The following ASIC2 variants were observed in gnomAD, a reference collection of about 807,000 sequenced individuals.
ASIC2 encodes acid sensing ion channel subunit 2.
Under a neutral mutation model 57.3 loss-of-function variants are expected in ASIC2, and 25 were observed. That is an observed-to-expected ratio of 0.44 (90% CI 0.32 to 0.61). ASIC2 has a LOEUF of 0.61. ASIC2 is among the 20% of genes least tolerant of loss of function. The pLI is 0.06. For synonymous variants in ASIC2, 319 were observed against 307.5 expected, an observed-to-expected ratio of 1.04 and a Z score of -0.39; for missense variants, 641 against 738.1, an observed-to-expected ratio of 0.87 and a Z score of 1.52.
chr17:33,800,840 TATC>T (rs1192068120), intron 1 of ASIC2, among the ~76,000 whole-genome samples: 1 of 152,204 alleles, frequency 6.6e-6, no homozygotes, highest in African/African-American at 2.4e-5. Context: ...TGGGTATTAT[TATC>T]ATTACCACTG....
chr17:33,369,175 T>G (rs949450545), intron 1 of ASIC2, among the ~76,000 whole-genome samples: 1 of 152,102 alleles, frequency 6.6e-6, no homozygotes, highest in African/African-American at 2.4e-5. Flanking sequence ...GCTGATAGGA[T>G]TTCCAGGAGG....
chr17:33,490,863 G>A lies in ASIC2; in HGVS notation c.556-378796C>T, dbSNP rs145988097. Among the ~76,000 whole-genome samples, 301 of 152,238 alleles carry A rather than the reference G, an allele frequency of 2.0e-3. 1 individual carries two copies. Among genetic ancestry groups the A allele is most frequent in the Non-Finnish European group, 3.2e-3 (220 of 68,022 alleles). ...CAAATCATCTGGCATTTTCGCCGGG[G>A]ATAATCAAAATTCTGTCCCTGTTGT... On this transcript the variant is annotated intron_variant, in intron 1 of 9. Coordinates refer to the ASIC2 transcript ENST00000359872.
At chr17:33,140,849 G>T (rs930586005) in intron 1 of ASIC2, among the ~76,000 whole-genome samples, 1 of 152,232 alleles carries the variant, frequency 6.6e-6, no homozygotes, top group South Asian at 2.1e-4. Flanking sequence ...GCCCAGCCAG[G>T]GCTGCCTCAG....
intron 1 of ASIC2, among the ~76,000 whole-genome samples, chr17:33,304,499 C>A (rs1025191499): frequency 2.0e-5 from 3 of 152,188 alleles, no homozygotes; most frequent in Non-Finnish European, 4.4e-5. Context: ...TTTTGGTTGA[C>A]CTGACTGTCC....
rs1349436724 is a variant in ASIC2, at chr17:33,088,858, C to A, written c.987+5G>T. 2 of 1,609,028 alleles carry A rather than the reference C, an allele frequency of 1.2e-6. No homozygotes were observed. ...CCATCAATCCTGGGAGCCCAGGGAA[C>A]TTACCCTCTGCTCCTGTGTGGCCAC... On this transcript the variant is annotated splice_donor_5th_base_variant and intron_variant, in intron 3 of 9. Transcript: ENST00000225823.
In ASIC2 at chr17:33,105,831, C is replaced by A. The variant is rs138204916; in HGVS notation, c.859+6086G>T. The stretch of plus-strand genomic sequence containing the variant: ...ACTTGTTGAAAGCTGGAGCAAAGGT[C>A]ACTCTTGCTAGGCTTTAGCAAAGAG... On this transcript the variant is annotated intron_variant, in intron 2 of 9. Transcript: ENST00000225823. 3.2e-3 allele frequency among the ~76,000 whole-genome samples: 485 copies of A among 152,298 alleles called. 9 individuals are homozygous for A. The highest frequency in any genetic ancestry group is 5.6e-4 in the Non-Finnish European group (38 of 68,034).
chr17:33,559,639 C>T (rs1005142836), intron 1 of ASIC2, among the ~76,000 whole-genome samples: 5 of 152,136 alleles, frequency 3.3e-5, no homozygotes, highest in Non-Finnish European at 5.9e-5. Context: ...ACATTCATAC[C>T]TGCTCTTTTC....
At chr17:34,064,107 C>T (rs1359617179) in intron 1 of ASIC2, among the ~76,000 whole-genome samples, 2 of 152,158 alleles carry the variant, frequency 1.3e-5, no homozygotes, top group African/African-American at 4.8e-5. Flanking sequence ...GGAAGCATCA[C>T]ACTACCTGAT....
At chr17:34,044,991 G>A (rs532398589) in intron 1 of ASIC2, among the ~76,000 whole-genome samples, 12 of 152,258 alleles carry the variant, frequency 7.9e-5, no homozygotes, top group South Asian at 6.2e-4. Flanking sequence ...GCTCACAGTC[G>A]AACACAGGAA....
At chr17:33,364,086 G>A (rs1020520535) in intron 1 of ASIC2, among the ~76,000 whole-genome samples, 1 of 152,158 alleles carries the variant, frequency 6.6e-6, no homozygotes, top group South Asian at 2.1e-4. Context: ...GTACAGTGAC[G>A]TGTTCAAAGA....
chr17:33,962,049 A>G (rs1402370716), intron 1 of ASIC2, among the ~76,000 whole-genome samples: 1 of 151,398 alleles, frequency 6.6e-6, no homozygotes, highest in Non-Finnish European at 1.5e-5. Context: ...TTCTTCTAAC[A>G]CTCCGCACAC....
chr17:33,790,229 A>G (rs1046838363), intron 1 of ASIC2, among the ~76,000 whole-genome samples: 1 of 152,218 alleles, frequency 6.6e-6, no homozygotes, highest in African/African-American at 2.4e-5. Context: ...TAGCAGTATA[A>G]TAAAAAATGG....
chr17:33,987,705 G>C (rs1905868536), intron 1 of ASIC2, among the ~76,000 whole-genome samples: 1 of 152,136 alleles, frequency 6.6e-6, no homozygotes, highest in African/African-American at 2.4e-5. Context: ...CTGAGGCACT[G>C]TTAGGTGAAA....
At chr17:33,341,003 G>A (rs1220722935) in intron 1 of ASIC2, among the ~76,000 whole-genome samples, 1 of 152,152 alleles carries the variant, frequency 6.6e-6, no homozygotes, top group African/African-American at 2.4e-5. Flanking sequence ...GGATAGAGAA[G>A]GGATATCATT....
chr17:33,340,683 A>G (rs959942686), intron 1 of ASIC2, among the ~76,000 whole-genome samples: 5 of 152,128 alleles, frequency 3.3e-5, no homozygotes, highest in African/African-American at 1.2e-4. Flanking sequence ...AGGTGCTTAT[A>G]ATCCTCAAAT....
intron 1 of ASIC2, among the ~76,000 whole-genome samples, chr17:33,528,026 CAAG>C (rs1914936732): frequency 6.6e-6 from 1 of 152,122 alleles, no homozygotes; most frequent in Admixed American, 6.5e-5. Context: ...TTGGTAACCC[CAAG>C]AAGAAGTCAT....
At chr17:33,198,429 A>G (rs1447853871) in intron 1 of ASIC2, among the ~76,000 whole-genome samples, 28 of 152,244 alleles carry the variant, frequency 1.8e-4, no homozygotes, top group Admixed American at 1.8e-3. Flanking sequence ...AACTAGTCCT[A>G]TGCTCAATTC....
At chr17:33,318,376 C>T (rs1348523044) in intron 1 of ASIC2, among the ~76,000 whole-genome samples, 2 of 152,186 alleles carry the variant, frequency 1.3e-5, no homozygotes, top group African/African-American at 2.4e-5. Context: ...CTGATTTCGC[C>T]TACTGCAGAG....
chr17:33,232,093 C>T (rs201868837), intron 1 of ASIC2, among the ~76,000 whole-genome samples: 4 of 152,138 alleles, frequency 2.6e-5, no homozygotes, highest in East Asian at 1.9e-4. Flanking sequence ...TTCCTAGCTC[C>T]GGAAGTGATG....
Sources: gnomAD v4.1 joint callset for allele counts (sites outside exome capture counted in the v4.1 genomes callset) on GRCh38, gnomAD v4.1.1 for gene constraint, MANE v1.5 for transcripts, NCBI Gene and HGNC (gene_info 2026-07-23, HGNC 2026-07-21) for gene names.